DOCK7: variants seen among roughly 807,000 people sequenced by gnomAD.
The protein encoded by DOCK7 is dedicator of cytokinesis protein 7.
Under a neutral mutation model 271.0 loss-of-function variants are expected in DOCK7, and 138 were observed. The ratio of observed to expected loss-of-function variants is 0.51; its 90% confidence interval spans 0.44 to 0.59. The LOEUF is 0.59. Among genes scored for constraint, DOCK7 ranks in the 20% least tolerant of loss-of-function variants. The probability of loss-of-function intolerance (pLI) is 0.00; values close to 1 mark genes in which losing one functional copy is unlikely to be tolerated. For missense variants in DOCK7, 2,066 were observed against 2,592.4 expected (o/e 0.80, Z 4.41); for synonymous variants, 823 against 876.1 (o/e 0.94, Z 1.07).
In DOCK7 at chr1:62,665,619, C is replaced by T. The variant is rs192699567; in HGVS notation, c.39-2489G>A. ...ACTTGGGAGGCTGAGGCAGGAGAAT[C>T]GCTTGAATCCACGGAGGTTGCGGTG... On this transcript the variant is annotated intron_variant, in intron 1 of 49. Transcript: ENST00000635253. Among the ~76,000 whole-genome samples the T allele has an allele frequency of 8.1e-3, 1,121 of 138,926 alleles. 9 individuals are homozygous for T. The highest frequency in any genetic ancestry group is 0.015 in the Admixed American group (189 of 12,540). 91.1% of individuals were successfully genotyped at this position (138,926 alleles called of 152,430 possible).
At chr1:62,488,897 T>G in intron 42 of DOCK7, 37 bp downstream of exon 42, 1 of 1,612,754 alleles carries the variant, frequency 6.2e-7, no homozygotes, top group Non-Finnish European at 8.5e-7. Context: ...AGACAGTTTT[T>G]TCCCTTTATA....
chr1:62,475,547 TC>T (rs1645945746), intron 46 of DOCK7, 159 bp downstream of exon 46: 1 of 1,072,230 alleles, frequency 9.3e-7, no homozygotes, highest in Non-Finnish European at 1.3e-6. Flanking sequence ...TGAATTAGGG[TC>T]TTAGAAAAGA....
chr1:62,532,584 C>T (rs562093699), intron 29 of DOCK7, among the ~76,000 whole-genome samples: 81 of 152,326 alleles, frequency 5.3e-4, no homozygotes, highest in African/African-American at 1.8e-3. Context: ...GTCCTCCTGC[C>T]TCAGCCTCGC....
At chr1:62,465,766 G>A (rs914555128) in intron 48 of DOCK7, among the ~76,000 whole-genome samples, 21 of 152,224 alleles carry the variant, frequency 1.4e-4, no homozygotes, top group African/African-American at 5.1e-4. Context: ...TGGCCAGGCT[G>A]GTCTTGAACT....
chr1:62,481,008 C>CAA (rs35993847), intron 43 of DOCK7, among the ~76,000 whole-genome samples: 4,889 of 94,412 alleles, frequency 0.052, 327 homozygotes, highest in Middle Eastern at 0.075. Flanking sequence ...GACTCCGTCT[C>CAA]AAAAAAAAAA....
At chr1:62,633,812 C>A in intron 9 of DOCK7, 1 of 429,048 alleles carries the variant, frequency 2.3e-6, no homozygotes, top group Non-Finnish European at 4.2e-6. Flanking sequence ...ATGAAAAGCC[C>A]ACAGTTAACA....
intron 29 of DOCK7, among the ~76,000 whole-genome samples, chr1:62,533,647 A>G (rs1285222775): frequency 6.6e-6 from 1 of 152,110 alleles, no homozygotes; most frequent in Non-Finnish European, 1.5e-5. Context: ...CAGGGTGAAA[A>G]ACTACTTCTT....
Position 62,543,736 on chromosome 1 carries a change from G to C in DOCK7, c.2869C>G (p.Arg957Gly). The change falls in exon 24 of 50, where the codon CGA (arginine) becomes GGA (glycine). Residue 957 changes from arginine to glycine, a missense_variant. By Grantham distance (125) the Arg-to-Gly change is moderately radical. Transcript: ENST00000635253. ...TGCGAAGACATACGATTACAACTTC[G>C]ATCCATAGCCTATGGAGTGAAGATG... ...PSAESTQAMD[R>G]SCNRMSSHTE... 1 of 1,593,304 alleles carries C rather than the reference G, an allele frequency of 6.3e-7. No homozygotes were observed. The highest frequency in any genetic ancestry group is 8.6e-7 in the Non-Finnish European group (1 of 1,165,052).
At chr1:62,528,954 G>A (rs541473530) in intron 30 of DOCK7, among the ~76,000 whole-genome samples, 1 of 152,214 alleles carries the variant, frequency 6.6e-6, no homozygotes, top group South Asian at 2.1e-4. Context: ...TCAAAACTGA[G>A]GTGGTAAACA....
intron 22 of DOCK7, among the ~76,000 whole-genome samples, chr1:62,549,164 G>A (rs1645809347): frequency 6.6e-6 from 1 of 152,036 alleles, no homozygotes; most frequent in African/African-American, 2.4e-5. Flanking sequence ...AACCAAGAGG[G>A]AAACTAACAG....
Position 62,504,595 on chromosome 1 carries a change from A to G in DOCK7, c.4764+35T>C, listed in dbSNP as rs748339379. 13 of 1,587,690 alleles carry G rather than the reference A, an allele frequency of 8.2e-6. No homozygotes were observed. The East Asian group carries it at 2.7e-4, about 33-fold the overall frequency. ...CTATCAGCAGAAGTTATATTTCATT[A>G]TGAATACAGAGAATTTTCATGATAA... On this transcript the variant is annotated intron_variant, in intron 37 of 49. Transcript: ENST00000635253.
At chr1:62,655,473 A>C (rs1657905966) in intron 2 of DOCK7, among the ~76,000 whole-genome samples, 1 of 141,638 alleles carries the variant, frequency 7.1e-6, no homozygotes, top group Non-Finnish European at 1.5e-5. Context: ...CATTCAGGCT[A>C]GAGTGCAATG....
chr1:62,613,727 T>A (rs1255652086), intron 14 of DOCK7, among the ~76,000 whole-genome samples: 1 of 152,158 alleles, frequency 6.6e-6, no homozygotes, highest in East Asian at 1.9e-4. Flanking sequence ...TGATGTCCAT[T>A]CATTCCCCCT....
At chr1:62,541,299 C>T (rs897493580) in intron 25 of DOCK7, among the ~76,000 whole-genome samples, 3 of 152,188 alleles carry the variant, frequency 2.0e-5, no homozygotes, top group Non-Finnish European at 4.4e-5. Context: ...GCAGTACTGG[C>T]ATATTGTGCC....
chr1:62,634,994 C>A, intron 8 of DOCK7, 72 bp from the exon 9 acceptor site: 1 of 956,002 alleles, frequency 1.0e-6, no homozygotes, highest in South Asian at 2.3e-5. Flanking sequence ...AAGAAAGCTG[C>A]TTCTGCTACT....
intron 4 of DOCK7, among the ~76,000 whole-genome samples, chr1:62,649,382 C>T (rs1312002271): frequency 2.0e-5 from 3 of 152,046 alleles, no homozygotes; most frequent in Non-Finnish European, 4.4e-5. Context: ...ATTAAAATAG[C>T]AATTACATGA....
At chr1:62,457,379 G>A (rs1345865545) in intron 49 of DOCK7, among the ~76,000 whole-genome samples, 159 bp downstream of exon 49, 1 of 152,210 alleles carries the variant, frequency 6.6e-6, no homozygotes, top group Non-Finnish European at 1.5e-5. Flanking sequence ...TACTCAACCA[G>A]TAAGTGTAAC....
At chr1:62,485,930 C>CATGCA (rs1316730404) in intron 43 of DOCK7, 1 of 153,230 alleles carries the variant, frequency 6.5e-6, no homozygotes, top group Non-Finnish European at 1.4e-5. Flanking sequence ...AGACTTTTAC[C>CATGCA]ATGCAATAAA....
chr1:62,682,806 A>T (rs1661319331), intron 1 of DOCK7, among the ~76,000 whole-genome samples: 1 of 152,202 alleles, frequency 6.6e-6, no homozygotes. Context: ...GATGAGAAAG[A>T]CATAGTAAGT....
Sources: allele counts gnomAD v4.1 joint callset (sites outside exome capture counted in the v4.1 genomes callset), GRCh38; gene constraint gnomAD v4.1.1; transcripts MANE v1.5; gene names NCBI Gene and HGNC (gene_info 2026-07-23, HGNC 2026-07-21).